The following ATAD2B variants were observed in gnomAD, a reference collection of about 807,000 sequenced individuals.
ATAD2B encodes the protein ATPase family AAA domain containing 2B, also known as ATPase family AAA domain-containing protein 2B.
ATAD2B carries 40 observed loss-of-function variants against 167.6 expected under a neutral mutation model. The ratio of observed to expected loss-of-function variants is 0.24; its 90% CI spans 0.19 to 0.31. ATAD2B has a LOEUF of 0.31. Among genes scored for constraint, ATAD2B ranks in the 10% least tolerant of loss-of-function variants. The pLI, the probability that ATAD2B is intolerant of heterozygous loss-of-function variation, is 1.00. For missense variants in ATAD2B, 1,242 were observed against 1,757.2 expected (o/e 0.71, Z 5.24); for synonymous variants, 579 against 596.5 (o/e 0.97, Z 0.43).
chr2:23,800,684 T>C (rs981313936), intron 18 of ATAD2B, among the ~76,000 whole-genome samples: 2 of 152,088 alleles, frequency 1.3e-5, no homozygotes, highest in African/African-American at 4.8e-5. Context: ...TTTGTCCACA[T>C]TTCCAAAAAA....
At chr2:23,805,868 GTTAC>G (rs1684312058) in intron 18 of ATAD2B, among the ~76,000 whole-genome samples, 1 of 143,418 alleles carries the variant, frequency 7.0e-6, no homozygotes. Context: ...ATTTTTATTG[GTTAC>G]TTTTTATTTT....
chr2:23,786,235 A>G lies in ATAD2B; in HGVS notation c.2777-12T>C, dbSNP rs1301311646. On this transcript the variant is annotated splice_polypyrimidine_tract_variant and intron_variant, in intron 20 of 27. Coordinates refer to ENST00000238789, the MANE Select transcript of ATAD2B (RefSeq NM_017552.4). ...CATAGCACAAAGAGCTAGAGAAAACAGAAGAAAATGTTAAGATTCCAACGT... is the reference window on the plus strand; with the variant it reads ...CATAGCACAAAGAGCTAGAGAAAACGGAAGAAAATGTTAAGATTCCAACGT... 1 of 1,551,606 alleles carries G rather than the reference A, an allele frequency of 6.4e-7. No homozygotes were observed. The highest frequency in any genetic ancestry group is 8.7e-7 in the Non-Finnish European group (1 of 1,148,284).
the ATAD2B span, chr2:23,684,357 C>G: frequency 2.3e-6 from 3 of 1,316,196 alleles, no homozygotes; most frequent in Non-Finnish European, 2.9e-6. The surrounding 1 kb of genome is among the most constrained non-coding windows in gnomAD (Gnocchi z 4.4). Context: ...AAAAAAAACT[C>G]TTAATGGGAA....
chr2:23,686,714 G>C, the ATAD2B span, among the ~76,000 whole-genome samples: 2 of 152,142 alleles, frequency 1.3e-5, no homozygotes, highest in African/African-American at 4.8e-5. Context: ...CGGACGCCCA[G>C]GTCCCCAGGT....
the ATAD2B span, among the ~76,000 whole-genome samples, chr2:23,732,787 A>G: frequency 6.6e-6 from 1 of 152,154 alleles, no homozygotes. Flanking sequence ...ATCTTGACCC[A>G]TTAATATCAC....
chr2:23,801,192 A>G (rs557505597), intron 18 of ATAD2B, among the ~76,000 whole-genome samples: 30 of 152,212 alleles, frequency 2.0e-4, no homozygotes, highest in Admixed American at 1.8e-3. Context: ...ACAGAGTTTG[A>G]GAATAGCATT....
At chr2:23,905,106 A>C (rs1701317842) in intron 1 of ATAD2B, among the ~76,000 whole-genome samples, 1 of 152,236 alleles carries the variant, frequency 6.6e-6, no homozygotes, top group South Asian at 2.1e-4. Context: ...AAAGATTAAA[A>C]AAGTCTATAA....
At chr2:23,735,389 T>C in the ATAD2B span, among the ~76,000 whole-genome samples, 1 of 152,342 alleles carries the variant, frequency 6.6e-6, no homozygotes, top group East Asian at 1.9e-4. Context: ...GAACGGTCAC[T>C]AATAACTTCC....
chr2:23,863,355 C>T (rs368893781), intron 12 of ATAD2B, 26 bp downstream of exon 12: 207 of 1,543,802 alleles, frequency 1.3e-4, no homozygotes, highest in Non-Finnish European at 1.8e-4. Flanking sequence ...ACAGAAAAGA[C>T]TCTTGAATTA....
At chr2:23,808,068 A>AAGTAATT (rs1553398208) in intron 18 of ATAD2B, among the ~76,000 whole-genome samples, 10 of 60,920 alleles carry the variant, frequency 1.6e-4, no homozygotes, top group Non-Finnish European at 2.0e-4. Context: ...TATAAATTAT[A>AAGTAATT]ATATATAAGT....
At chr2:23,745,032 TC>T (rs773426016), downstream of ATAD2B, among the ~76,000 whole-genome samples, 4 of 152,258 alleles carry the variant, frequency 2.6e-5, no homozygotes, top group Non-Finnish European at 5.9e-5. Flanking sequence ...ACGCTTGTAA[TC>T]CCAGCACTTT....
chr2:23,818,193 G>T (rs1345008362), intron 17 of ATAD2B, among the ~76,000 whole-genome samples: 3 of 125,016 alleles, frequency 2.4e-5, no homozygotes, highest in Non-Finnish European at 4.9e-5. Flanking sequence ...GAGACGGAGG[G>T]AGGGAAGAAG....
intron 23 of ATAD2B, among the ~76,000 whole-genome samples, chr2:23,763,252 G>T (rs1156527214): frequency 6.6e-6 from 1 of 152,068 alleles, no homozygotes; most frequent in African/African-American, 2.4e-5. Context: ...CTCCATCCCT[G>T]CGGCTACATC....
chr2:23,824,826 T>C (rs1687997755), intron 15 of ATAD2B, among the ~76,000 whole-genome samples: 1 of 152,230 alleles, frequency 6.6e-6, no homozygotes, highest in Non-Finnish European at 1.5e-5. Context: ...TTGTTTTCCC[T>C]GTTGGCAATT....
intron 24 of ATAD2B, among the ~76,000 whole-genome samples, chr2:23,760,751 T>TACACAC (rs202241182): frequency 3.0e-5 from 3 of 100,340 alleles, no homozygotes; most frequent in South Asian, 3.7e-4. Flanking sequence ...CACACACACA[T>TACACAC]ACACACACAC....
chr2:23,701,979 ATTTT>A, the ATAD2B span, among the ~76,000 whole-genome samples: 4 of 144,572 alleles, frequency 2.8e-5, no homozygotes, highest in African/African-American at 1.0e-4. Context: ...TGCCCAGCTA[ATTTT>A]TTTTTTTTTT....
chr2:23,827,529 T>C (rs1572933397), intron 15 of ATAD2B, among the ~76,000 whole-genome samples: 1 of 152,310 alleles, frequency 6.6e-6, no homozygotes, highest in East Asian at 1.9e-4. Context: ...CAGTTAAGGA[T>C]CATTCTGTGA....
intron 18 of ATAD2B, among the ~76,000 whole-genome samples, chr2:23,800,188 A>G (rs1683258734): frequency 6.6e-6 from 1 of 152,178 alleles, no homozygotes; most frequent in South Asian, 2.1e-4. Context: ...TGTGCTGGTA[A>G]AACAAGAAAG....
intron 18 of ATAD2B, among the ~76,000 whole-genome samples, chr2:23,803,377 T>C (rs1683817263): frequency 6.6e-6 from 1 of 152,168 alleles, no homozygotes; most frequent in African/African-American, 2.4e-5. Flanking sequence ...GTTGGACTAA[T>C]GTCTAGTGAC....
Sources: gnomAD v4.1 joint callset for allele counts (sites outside exome capture counted in the v4.1 genomes callset) on GRCh38, gnomAD v4.1.1 for gene constraint, Gnocchi (gnomAD v3.1) non-coding constraint, MANE v1.5 for transcripts, NCBI Gene and HGNC (gene_info 2026-07-23, HGNC 2026-07-21) for gene names.